The following DCC variants were observed in gnomAD, a reference collection of about 807,000 sequenced individuals.
The protein encoded by DCC is netrin receptor DCC.
In DCC, 58 loss-of-function variants were observed where a neutral mutation model predicts 172.5. That is an observed-to-expected ratio of 0.34 (90% CI 0.27 to 0.42). The LOEUF is 0.42. DCC is among the 10% of genes least tolerant of loss of function. DCC has a pLI of 1.00. For synonymous variants in DCC, 709 were observed against 644.5 expected (o/e 1.10, Z -1.52); for missense variants, 1,740 against 1,791.0 (o/e 0.97, Z 0.51).
At chr18:52,909,900 C>A (rs2039945186) in intron 3 of DCC, among the ~76,000 whole-genome samples, 1 of 152,058 alleles carries the variant, frequency 6.6e-6, no homozygotes, top group African/African-American at 2.4e-5. Flanking sequence ...GCAATACCAA[C>A]AAGTACTAGC....
chr18:52,464,826 T>G (rs1598839693), intron 1 of DCC, among the ~76,000 whole-genome samples: 2 of 152,086 alleles, frequency 1.3e-5, no homozygotes, highest in South Asian at 4.1e-4. Context: ...GACTTTTTCC[T>G]GGAGCAACAG....
At chr18:53,309,946 AT>A in intron 13 of DCC, among the ~76,000 whole-genome samples, 1 of 138,226 alleles carries the variant, frequency 7.2e-6, no homozygotes, top group East Asian at 2.2e-4. Context: ...ATATATATAC[AT>A]GTATATATAC....
intron 5 of DCC, among the ~76,000 whole-genome samples, chr18:52,957,221 A>G (rs927210651): frequency 3.3e-5 from 5 of 152,142 alleles, no homozygotes; most frequent in Admixed American, 6.6e-5. Context: ...ATGACCTATC[A>G]TTTGGAGTTT....
intron 5 of DCC, among the ~76,000 whole-genome samples, chr18:53,034,245 T>C (rs1248926313): frequency 6.6e-6 from 1 of 152,082 alleles, no homozygotes; most frequent in East Asian, 1.9e-4. Flanking sequence ...ATGTATAACA[T>C]GATATCTATT....
intron 1 of DCC, among the ~76,000 whole-genome samples, chr18:52,741,354 C>T (rs2036819331): frequency 6.6e-6 from 1 of 152,180 alleles, no homozygotes. Context: ...GACCTCTGTT[C>T]TCAAGACAGC....
intron 1 of DCC, among the ~76,000 whole-genome samples, chr18:52,527,844 A>C (rs1287013597): frequency 6.6e-6 from 1 of 152,230 alleles, no homozygotes; most frequent in Non-Finnish European, 1.5e-5. Context: ...GGTCAAGAGC[A>C]TCTAGCCTCT....
At chr18:53,156,281 T>C (rs2054732674) in intron 7 of DCC, among the ~76,000 whole-genome samples, 1 of 151,882 alleles carries the variant, frequency 6.6e-6, no homozygotes, top group Admixed American at 6.6e-5. Context: ...GGTCAGGAGT[T>C]CGACACAGCC....
chr18:53,351,994 A>T (rs1413204673), intron 15 of DCC, among the ~76,000 whole-genome samples: 1 of 152,070 alleles, frequency 6.6e-6, no homozygotes, highest in African/African-American at 2.4e-5. Context: ...CCATCAGATA[A>T]ATATTGTAAT....
intron 19 of DCC, among the ~76,000 whole-genome samples, chr18:53,405,413 A>G (rs2145043413): frequency 6.6e-6 from 1 of 152,310 alleles, no homozygotes; most frequent in East Asian, 1.9e-4. Context: ...TTTCTCACCT[A>G]TAAAATAAAG....
intron 15 of DCC, among the ~76,000 whole-genome samples, chr18:53,369,912 T>C (rs928953343): frequency 1.3e-5 from 2 of 151,856 alleles, no homozygotes; most frequent in Admixed American, 6.6e-5. Context: ...TATTGGTCTG[T>C]AGCTCTCTTT....
At chr18:53,256,241 G>T (rs369298159) in intron 12 of DCC, among the ~76,000 whole-genome samples, 149 of 152,206 alleles carry the variant, frequency 9.8e-4, no homozygotes, top group African/African-American at 3.2e-3. Context: ...GTCAATTTTG[G>T]CTTTTGTTGC....
At chr18:53,170,376 TTTTGA>T (rs1249102306) in intron 8 of DCC, among the ~76,000 whole-genome samples, 2 of 152,360 alleles carry the variant, frequency 1.3e-5, no homozygotes, top group South Asian at 2.1e-4. Flanking sequence ...ACTCTTTTTG[TTTTGA>T]TTTATCTTTG....
chr18:52,634,435 A>G (rs1457993684), intron 1 of DCC, among the ~76,000 whole-genome samples: 3 of 152,216 alleles, frequency 2.0e-5, no homozygotes, highest in East Asian at 1.9e-4. Flanking sequence ...TTTAAAAAGT[A>G]TTAGGAAAAA....
chr18:52,969,019 A>G (rs938924720), intron 5 of DCC, among the ~76,000 whole-genome samples: 10 of 151,952 alleles, frequency 6.6e-5, no homozygotes, highest in African/African-American at 2.2e-4. Flanking sequence ...AACAACAACA[A>G]AAAAAAACGG....
chr18:53,492,918 G>A (rs183714457), intron 26 of DCC, among the ~76,000 whole-genome samples: 1 of 152,246 alleles, frequency 6.6e-6, no homozygotes, highest in East Asian at 1.9e-4. Flanking sequence ...GGGCAATGTG[G>A]TCATTTTCAT....
chr18:53,110,645 A>G lies in DCC; in HGVS notation c.1261+44479A>G, dbSNP rs112856944. ...TTTATGCAGCCAAAAAACACATGAA[A>G]AAATGCTCACCATCACTGGCCATCA... On this transcript the variant is annotated intron_variant, in intron 7 of 28. Transcript: ENST00000442544. 9.4e-3 allele frequency among the ~76,000 whole-genome samples: 1,418 copies of G among 150,480 alleles called. 28 individuals carry two copies. Among genetic ancestry groups the G allele is most frequent in the African/African-American group, 0.032 (1,319 of 40,906 alleles).
chr18:52,734,601 C>G (rs2036696306), intron 1 of DCC, among the ~76,000 whole-genome samples: 1 of 152,036 alleles, frequency 6.6e-6, no homozygotes, highest in Non-Finnish European at 1.5e-5. Context: ...CCCTGCATCC[C>G]CATAAGTAAG....
chr18:53,503,780 CT>C (rs1382606634), intron 27 of DCC, among the ~76,000 whole-genome samples: 1 of 152,122 alleles, frequency 6.6e-6, no homozygotes, highest in Admixed American at 6.5e-5. Context: ...TCATAATACT[CT>C]TTTATAACAT....
rs113228885 is a variant in DCC at position 53,222,687 on chromosome 18, A to G, written c.1911+7090A>G. On this transcript the variant is annotated intron_variant, in intron 12 of 28. Coordinates refer to ENST00000442544, the MANE Select transcript of DCC (RefSeq NM_005215.4). Reference sequence around the variant, plus strand: ...AGGCGTGAACCACCACGCCCGGCCTATGGTACTTTCCCAAGAAACAAGGTT... The same window carrying G: ...AGGCGTGAACCACCACGCCCGGCCTGTGGTACTTTCCCAAGAAACAAGGTT... Among the ~76,000 whole-genome samples, 264 of 152,096 alleles carry G rather than the reference A, an allele frequency of 1.7e-3. 2 individuals carry two copies. The highest frequency in any genetic ancestry group is 6.2e-3 in the African/African-American group (259 of 41,498).
Sources: gnomAD v4.1 joint callset for allele counts (sites outside exome capture counted in the v4.1 genomes callset) on GRCh38, gnomAD v4.1.1 for gene constraint, MANE v1.5 for transcripts, NCBI Gene and HGNC (gene_info 2026-07-23, HGNC 2026-07-21) for gene names.